WSCD2: variants seen among roughly 807,000 people sequenced by gnomAD.
WSCD2 encodes WSC domain sialate O sulfotransferase 2.
A neutral mutation model predicts 55.7 loss-of-function variants in WSCD2; 28 were observed. The ratio of observed to expected loss-of-function variants is 0.50; its 90% CI spans 0.37 to 0.69. The LOEUF is 0.69. Ranked by LOEUF, WSCD2 falls within the 30% of genes least tolerant of loss-of-function variation. WSCD2 has a pLI of 0.00. For missense variants in WSCD2, 616 were observed against 762.1 expected (o/e 0.81, Z 2.26); for synonymous variants, 301 against 301.9 (o/e 1.00, Z 0.03).
chr12:108,186,467 T>C (rs768978663), intron 1 of WSCD2, among the ~76,000 whole-genome samples: 2 of 152,220 alleles, frequency 1.3e-5, no homozygotes, highest in Non-Finnish European at 2.9e-5. Flanking sequence ...TATAGTATCA[T>C]ACGGAGCAGT....
intron 1 of WSCD2, chr12:108,189,821 A>G (rs1426347): frequency 0.81 from 123,935 of 152,130 alleles, 50,638 homozygotes; most frequent in East Asian, 0.91. Context: ...AGGGAGGTAT[A>G]GGAATGTCTG....
At chr12:108,190,110 G>A (rs1048287022) in intron 1 of WSCD2, among the ~76,000 whole-genome samples, 1 of 152,172 alleles carries the variant, frequency 6.6e-6, no homozygotes, top group Non-Finnish European at 1.5e-5. Flanking sequence ...GGAAACTGAT[G>A]TTCAAAGAAG....
At chr12:108,189,202 G>T (rs1301181217) in intron 1 of WSCD2, 1 of 152,126 alleles carries the variant, frequency 6.6e-6, no homozygotes, top group East Asian at 1.9e-4. Context: ...GTTCATTTAG[G>T]AAATAAAGAG....
At chr12:108,212,941 A>T (rs900502795) in intron 4 of WSCD2, among the ~76,000 whole-genome samples, 2 of 152,154 alleles carry the variant, frequency 1.3e-5, no homozygotes. Flanking sequence ...TCAGCTGGAG[A>T]CCCTAAAAGA....
chr12:108,210,383 C>T lies in WSCD2; in HGVS notation c.682+78C>T. 2.7e-6 allele frequency: 4 copies of T among 1,479,186 alleles called. No individual in the cohort carries two copies. Among genetic ancestry groups the T allele is most frequent in the Non-Finnish European group, 3.6e-6 (4 of 1,113,078 alleles). The allele number at this position is 1,479,186 out of a possible 1,614,324, so 91.6% of individuals were successfully genotyped here. A position where few individuals can be genotyped will look rare whatever the true frequency, so the allele number is the denominator to read the frequency against. ...TTGCCCACCAAAGAGTCCCACATGTCTGCCCTGTACCCTCCATGGCTCCCC... is the reference window on the plus strand; with the variant it reads ...TTGCCCACCAAAGAGTCCCACATGTTTGCCCTGTACCCTCCATGGCTCCCC... On this transcript the variant is annotated intron_variant, in intron 4 of 8. Transcript: ENST00000547525. This position sits in a 1 kb window ranked among gnomAD's most constrained non-coding sequence, Gnocchi z 4.3.
intron 1 of WSCD2, among the ~76,000 whole-genome samples, chr12:108,140,815 TG>T (rs1178133602): frequency 1.3e-5 from 2 of 152,212 alleles, no homozygotes; most frequent in East Asian, 3.9e-4. Context: ...CTGCCAGCTC[TG>T]GAAGGGGTCC....
intron 1 of WSCD2, among the ~76,000 whole-genome samples, chr12:108,135,785 A>G (rs1555221356): frequency 6.6e-6 from 1 of 152,246 alleles, no homozygotes; most frequent in Non-Finnish European, 1.5e-5. Flanking sequence ...CCAACAAACT[A>G]TGGCCCACAA....
intron 1 of WSCD2, among the ~76,000 whole-genome samples, chr12:108,160,191 T>C (rs2136937372): frequency 6.6e-6 from 1 of 152,066 alleles, no homozygotes; most frequent in East Asian, 1.9e-4. Context: ...AGGAAGATGG[T>C]TGGTGGGATG....
At chr12:108,183,602 G>A (rs1435187306) in intron 1 of WSCD2, among the ~76,000 whole-genome samples, 1 of 152,156 alleles carries the variant, frequency 6.6e-6, no homozygotes, top group Non-Finnish European at 1.5e-5. Context: ...AGAACTCCTT[G>A]GGCCACTAAA....
intron 1 of WSCD2, among the ~76,000 whole-genome samples, chr12:108,141,897 G>A (rs564655369): frequency 1.1e-4 from 17 of 152,216 alleles, no homozygotes; most frequent in African/African-American, 1.4e-4. Context: ...GAAGAAGAAA[G>A]GCCTCCAAGC....
intron 1 of WSCD2, among the ~76,000 whole-genome samples, chr12:108,134,724 T>A (rs1393272237): frequency 6.6e-6 from 1 of 152,176 alleles, no homozygotes; most frequent in African/African-American, 2.4e-5. Flanking sequence ...TCACTGTTGG[T>A]GTCCCATTCG....
At chr12:108,145,462 C>T (rs532866857) in intron 1 of WSCD2, among the ~76,000 whole-genome samples, 4 of 152,282 alleles carry the variant, frequency 2.6e-5, no homozygotes, top group African/African-American at 9.6e-5. Context: ...ACATTCCAAG[C>T]CTGCCACATA....
At chr12:108,182,481 A>G (rs939970265) in intron 1 of WSCD2, among the ~76,000 whole-genome samples, 1 of 152,228 alleles carries the variant, frequency 6.6e-6, no homozygotes, top group African/African-American at 2.4e-5. Context: ...TCAGTTTAGA[A>G]GTTCATTTTG....
intron 1 of WSCD2, among the ~76,000 whole-genome samples, chr12:108,156,353 G>A (rs567016940): frequency 6.6e-6 from 1 of 152,184 alleles, no homozygotes; most frequent in African/African-American, 2.4e-5. Context: ...AGTCAGGTTA[G>A]CTCAGCACAT....
rs1477932842 is a variant in WSCD2, at chr12:108,248,269, T to C, written c.1624T>C (p.Tyr542His). Residue 542 changes from tyrosine (Y) to histidine (H), a missense_variant, in exon 9 of 9, where the codon TAC (tyrosine) becomes CAC (histidine). Physicochemically the swap from Tyr to His is moderately conservative, Grantham distance 83. Transcript: ENST00000547525. This position sits in a 1 kb window ranked among gnomAD's most constrained non-coding sequence, Gnocchi z 4.3. Reference protein sequence around the residue: ...TADMQKTISAYIKMVDAALKG... With the variant: ...TADMQKTISAHIKMVDAALKG... Reference sequence around the variant, plus strand: ...GGACATGCAGAAGACCATCTCTGCCTACATCAAGATGGTGGATGCAGCCCT... The same window carrying C: ...GGACATGCAGAAGACCATCTCTGCCCACATCAAGATGGTGGATGCAGCCCT... 1.2e-6 allele frequency: 2 copies of C among 1,614,218 alleles called. No individual in the cohort carries two copies. Among genetic ancestry groups the C allele is most frequent in the Middle Eastern group, 3.3e-4 (2 of 6,062 alleles).
At chr12:108,135,252 C>T (rs1306363030) in intron 1 of WSCD2, among the ~76,000 whole-genome samples, 1 of 152,242 alleles carries the variant, frequency 6.6e-6, no homozygotes, top group East Asian at 1.9e-4. Flanking sequence ...CAGCATCATA[C>T]TCTGTGCTGG....
At chr12:108,201,757 T>C (rs1444166148) in intron 2 of WSCD2, among the ~76,000 whole-genome samples, 6 of 152,318 alleles carry the variant, frequency 3.9e-5, no homozygotes, top group African/African-American at 1.4e-4. Context: ...AATTAGTTCA[T>C]GTTTAGCTAC....
rs181163481 is a variant in WSCD2, at chr12:108,222,113, C to T, written c.683-2626C>T. 1.4e-3 allele frequency among the ~76,000 whole-genome samples: 210 copies of T among 152,268 alleles called. 1 individual carries two copies. The highest frequency in any genetic ancestry group is 3.4e-3 in the Admixed American group (52 of 15,300). ...TAAAATTATCATTCATAAACACCTT[C>T]CCCCCACCCTTCTACTCAGGGAGTT... On this transcript the variant is annotated intron_variant, in intron 4 of 8. Coordinates refer to ENST00000547525, the MANE Select transcript of WSCD2 (RefSeq NM_014653.4).
At position 108,232,890 on chromosome 12, in the gene WSCD2, A is replaced by G. The variant is rs1593104745; in HGVS notation, c.1139A>G (p.Asn380Ser). ...TACTACTTCGATGGCTCCCTCTACA[A>G]CAAAGGTGAGGAGATGGCAGGGAGG... ...GSYYFDGSLY[N>S]KGFKGERDHW... The change falls in exon 7 of 9, where the codon AAC (asparagine) becomes AGC (serine). Residue 380 changes from asparagine to serine, a missense_variant. Asn to Ser is a conservative substitution (Grantham distance 46). This residue lies in a region of WSCD2 where 234 missense variants were observed against 264.6 expected (regional missense o/e 0.88). Coordinates refer to ENST00000547525, the MANE Select transcript of WSCD2 (RefSeq NM_014653.4). The G allele has an allele frequency of 6.2e-7, 1 of 1,611,546 alleles. No homozygotes were observed. Among genetic ancestry groups the G allele is most frequent in the Non-Finnish European group, 8.5e-7 (1 of 1,178,014 alleles).
Sources: allele counts gnomAD v4.1 joint callset (sites outside exome capture counted in the v4.1 genomes callset), GRCh38; gene constraint gnomAD v4.1.1; regional missense constraint gnomAD v4.1.1; non-coding constraint Gnocchi (gnomAD v3.1); transcripts MANE v1.5; gene names NCBI Gene and HGNC (gene_info 2026-07-23, HGNC 2026-07-21).